The following RIMS1 variants were observed in gnomAD, a reference collection of about 807,000 sequenced individuals.
RIMS1 encodes the protein regulating synaptic membrane exocytosis protein 1.
RIMS1 carries 83 observed loss-of-function variants against 214.1 expected under a neutral mutation model. The observed-to-expected ratio is 0.39, with a 90% CI of 0.32 to 0.47. The LOEUF (loss-of-function observed/expected upper bound fraction) is 0.47. RIMS1 is among the 20% of genes least tolerant of loss of function. The pLI is 0.99. For synonymous variants in RIMS1, 793 were observed against 786.8 expected (o/e 1.01, Z -0.13); for missense variants, 2,050 against 2,161.8 (o/e 0.95, Z 1.03).
At chr6:72,356,161 C>A (rs947479697) in intron 29 of RIMS1, among the ~76,000 whole-genome samples, 1 of 152,124 alleles carries the variant, frequency 6.6e-6, no homozygotes, top group Non-Finnish European at 1.5e-5. Flanking sequence ...CTGACCTTAA[C>A]GGTATCTTTA....
intron 7 of RIMS1, 36 bp downstream of exon 7, chr6:72,233,876 A>T (rs1233186068): frequency 7.4e-7 from 1 of 1,357,780 alleles, no homozygotes; most frequent in African/African-American, 1.4e-5. Flanking sequence ...GAGTTTAGGG[A>T]ATATGTGTGC....
intron 2 of RIMS1, among the ~76,000 whole-genome samples, chr6:72,026,741 A>G (rs1181301583): frequency 1.3e-5 from 2 of 152,070 alleles, no homozygotes; most frequent in African/African-American, 2.4e-5. Flanking sequence ...AAAAAATTAA[A>G]TAGTATTTTG....
chr6:72,307,223 A>G (rs2095253084), intron 26 of RIMS1, 35 bp from the exon 27 acceptor site: 5 of 1,380,170 alleles, frequency 3.6e-6, no homozygotes, highest in Middle Eastern at 3.5e-4. Context: ...GGTTCTTCAC[A>G]TGTTTTAATA....
chr6:71,959,882 G>A (rs1792409705), intron 1 of RIMS1, among the ~76,000 whole-genome samples: 1 of 151,928 alleles, frequency 6.6e-6, no homozygotes, highest in Admixed American at 6.6e-5. Flanking sequence ...TTGTAATTTG[G>A]GTGACATTAT....
chr6:72,229,018 A>G (rs1470644566), intron 6 of RIMS1, among the ~76,000 whole-genome samples: 4 of 152,014 alleles, frequency 2.6e-5, no homozygotes, highest in Admixed American at 1.3e-4. Flanking sequence ...TAGAGATAAT[A>G]TGCAACTCTC....
intron 1 of RIMS1, among the ~76,000 whole-genome samples, chr6:71,957,270 T>C (rs1791565020): frequency 6.6e-6 from 1 of 152,172 alleles, no homozygotes. Context: ...TTTAAATTTA[T>C]GCAGAGATGG....
chr6:72,310,173 T>A (rs2095438049), intron 27 of RIMS1, among the ~76,000 whole-genome samples: 1 of 152,126 alleles, frequency 6.6e-6, no homozygotes, highest in Admixed American at 6.6e-5. Context: ...CCAAAGTTAG[T>A]TAACTATTCT....
At chr6:72,149,752 G>A (rs1387731180) in intron 4 of RIMS1, among the ~76,000 whole-genome samples, 1 of 152,174 alleles carries the variant, frequency 6.6e-6, no homozygotes, top group Non-Finnish European at 1.5e-5. Flanking sequence ...TTCTTGTTAA[G>A]TTTGCTAGCT....
At chr6:72,301,084 G>A (rs917452803) in intron 26 of RIMS1, among the ~76,000 whole-genome samples, 1 of 151,622 alleles carries the variant, frequency 6.6e-6, no homozygotes, top group Admixed American at 6.6e-5. Flanking sequence ...TGCTTTATTG[G>A]TAGATGATGG....
chr6:72,180,526 AT>A (rs1391362181), intron 5 of RIMS1, among the ~76,000 whole-genome samples: 12 of 152,230 alleles, frequency 7.9e-5, no homozygotes, highest in Admixed American at 7.2e-4. Context: ...GACAGGTTAC[AT>A]TTTATAGCTT....
At chr6:72,380,403 G>A (rs2807509) in intron 29 of RIMS1, among the ~76,000 whole-genome samples, 4,887 of 152,176 alleles carry the variant, frequency 0.032, 175 homozygotes, top group African/African-American at 0.096. Flanking sequence ...TAATATATAT[G>A]TATATGAAAC....
chr6:72,002,369 G>A (rs1805556221), intron 2 of RIMS1, among the ~76,000 whole-genome samples: 2 of 152,004 alleles, frequency 1.3e-5, no homozygotes, highest in Non-Finnish European at 2.9e-5. Flanking sequence ...AGCAGCCGTG[G>A]CACTATTATT....
chr6:72,364,690 C>T (rs932861718), intron 29 of RIMS1, among the ~76,000 whole-genome samples: 8 of 151,952 alleles, frequency 5.3e-5, no homozygotes, highest in Non-Finnish European at 1.0e-4. Flanking sequence ...CCGGGAAGCA[C>T]GAGTATTGAT....
intron 1 of RIMS1, among the ~76,000 whole-genome samples, chr6:71,933,703 C>CAT (rs1783748054): frequency 6.6e-6 from 1 of 151,520 alleles, no homozygotes; most frequent in South Asian, 2.1e-4. Context: ...CACACACACA[C>CAT]ACACACACAC....
intron 4 of RIMS1, among the ~76,000 whole-genome samples, chr6:72,103,182 T>C (rs1586998565): frequency 6.6e-6 from 1 of 152,144 alleles, no homozygotes; most frequent in African/African-American, 2.4e-5. Context: ...TCACAAGCTG[T>C]CTGGTTTTGC....
At chr6:72,081,256 C>T (rs1277084280) in intron 2 of RIMS1, among the ~76,000 whole-genome samples, 1 of 152,112 alleles carries the variant, frequency 6.6e-6, no homozygotes, top group Non-Finnish European at 1.5e-5. Flanking sequence ...TAGGGTGTTG[C>T]TCATAAGTGA....
intron 28 of RIMS1, chr6:72,316,657 C>A: frequency 3.7e-6 from 2 of 540,908 alleles, no homozygotes; most frequent in Non-Finnish European, 7.2e-6. Context: ...CCAAGCATGG[C>A]TGACCCAAAT....
chr6:72,262,450 A>AG, intron 19 of RIMS1: 5 of 985,280 alleles, frequency 5.1e-6, no homozygotes, highest in Non-Finnish European at 6.0e-6. Flanking sequence ...ACAATAAGAT[A>AG]GGGAGTGGAA....
chr6:72,011,468 A>T (rs1810569767), intron 2 of RIMS1, among the ~76,000 whole-genome samples: 1 of 152,236 alleles, frequency 6.6e-6, no homozygotes, highest in South Asian at 2.1e-4. Context: ...CAAAAGTTAA[A>T]ATTGACAAAT....
Sources: gnomAD v4.1 joint callset for allele counts (sites outside exome capture counted in the v4.1 genomes callset) on GRCh38, gnomAD v4.1.1 for gene constraint, MANE v1.5 for transcripts, NCBI Gene and HGNC (gene_info 2026-07-23, HGNC 2026-07-21) for gene names.